The following COL8A1 variants were observed in gnomAD, a reference collection of about 807,000 sequenced individuals.
COL8A1 encodes collagen type VIII alpha 1 chain.
A neutral mutation model predicts 42.7 loss-of-function variants in COL8A1; 21 were observed. The ratio of observed to expected loss-of-function variants is 0.49; its 90% CI spans 0.35 to 0.71. The LOEUF (loss-of-function observed/expected upper bound fraction) is 0.71, where lower values mean the gene tolerates loss of function less well. COL8A1 is among the 30% of genes least tolerant of loss of function. The probability of loss-of-function intolerance (pLI) is 0.01; values close to 1 mark genes in which losing one functional copy is unlikely to be tolerated. For missense variants in COL8A1, 788 were observed against 962.4 expected, an observed-to-expected ratio of 0.82 and a Z score of 2.40; for synonymous variants, 367 against 369.1, an observed-to-expected ratio of 0.99 and a Z score of 0.06.
intron 1 of COL8A1, among the ~76,000 whole-genome samples, chr3:99,724,827 A>G (rs921697935): frequency 4.6e-5 from 7 of 152,102 alleles, no homozygotes; most frequent in Non-Finnish European, 1.0e-4. Flanking sequence ...AATATTTTCT[A>G]GGCACCAATT....
intron 1 of COL8A1, among the ~76,000 whole-genome samples, chr3:99,672,022 C>T (rs1377278097): frequency 6.6e-6 from 1 of 152,022 alleles, no homozygotes; most frequent in African/African-American, 2.4e-5. Flanking sequence ...TTCTGTAGAA[C>T]ACACTATTGA....
intron 2 of COL8A1, among the ~76,000 whole-genome samples, chr3:99,771,204 G>A (rs1195977927): frequency 2.0e-5 from 3 of 152,190 alleles, no homozygotes; most frequent in African/African-American, 4.8e-5. Flanking sequence ...AGGGAGTCTG[G>A]ATGTTATTCA....
At chr3:99,661,262 C>G (rs544503662) in intron 1 of COL8A1, among the ~76,000 whole-genome samples, 13 of 152,170 alleles carry the variant, frequency 8.5e-5, no homozygotes, top group African/African-American at 3.1e-4. Context: ...TCAACAACAA[C>G]AACAAAAAGA....
intron 1 of COL8A1, among the ~76,000 whole-genome samples, chr3:99,714,011 T>TA (rs1349693404): frequency 6.6e-6 from 1 of 151,966 alleles, no homozygotes; most frequent in Admixed American, 6.6e-5. Flanking sequence ...GGTTAACACT[T>TA]AAAAATCAAG....
intron 2 of COL8A1, among the ~76,000 whole-genome samples, chr3:99,767,903 C>T (rs1343460699): frequency 6.6e-6 from 1 of 152,150 alleles, no homozygotes; most frequent in Non-Finnish European, 1.5e-5. Context: ...AGAATTATAT[C>T]AATTTCCTGG....
chr3:99,764,693 TTTTTTTTC>T (rs1484018707), intron 2 of COL8A1, among the ~76,000 whole-genome samples: 5 of 36,488 alleles, frequency 1.4e-4, no homozygotes, highest in Non-Finnish European at 2.4e-4. Context: ...CTTTTTTTTC[TTTTTTTTC>T]TTTTTTTTTT....
At chr3:99,783,168 A>AC (rs1204608950) in intron 2 of COL8A1, among the ~76,000 whole-genome samples, 1 of 152,198 alleles carries the variant, frequency 6.6e-6, no homozygotes, top group Non-Finnish European at 1.5e-5. Flanking sequence ...GTGAAATCCT[A>AC]CAATTGGTTA....
In COL8A1 at chr3:99,795,385, G is replaced by GC. The variant is rs34878103; in HGVS notation, c.1490dup (p.Gly498ArgfsTer9). ...ATCCCAGGGGATCAGGGTTTACAGG[G>GC]CCCCCCAGGTATCCCAGGGATTGGG... On this transcript the variant is annotated frameshift_variant, in exon 4 of 4. Transcript: ENST00000652472. LOFTEE classifies it high-confidence loss of function. 6.4e-7 allele frequency: 1 copy of GC among 1,565,550 alleles called. No homozygotes were observed.
intron 2 of COL8A1, among the ~76,000 whole-genome samples, chr3:99,757,989 T>C (rs1941287830): frequency 6.6e-6 from 1 of 152,234 alleles, no homozygotes; most frequent in South Asian, 2.1e-4. Flanking sequence ...ATACATTCTT[T>C]TAGGTTGATA....
chr3:99,707,667 G>T (rs1939719411), intron 1 of COL8A1, among the ~76,000 whole-genome samples: 1 of 152,006 alleles, frequency 6.6e-6, no homozygotes. Context: ...GCCGAACTTG[G>T]GGCACTTCCA....
chr3:99,665,775 G>A (rs1226283125), intron 1 of COL8A1, among the ~76,000 whole-genome samples: 5 of 146,966 alleles, frequency 3.4e-5, no homozygotes, highest in Non-Finnish European at 5.9e-5. Context: ...TCCGCCTCCC[G>A]GGTTCAAGCA....
At position 99,794,746 on chromosome 3, in the gene COL8A1, CCCAGGGCCCCCTGGGAAAGCCAGGGGCT is replaced by C. The variant is rs1942069407; in HGVS notation, c.851_878del (p.Gly284GlufsTer88). The C allele has an allele frequency of 6.3e-7, 1 of 1,598,624 alleles. No individual in the cohort carries two copies. Among genetic ancestry groups the C allele is most frequent in the Non-Finnish European group, 8.5e-7 (1 of 1,174,548 alleles). The stretch of plus-strand genomic sequence containing the variant: ...CCAGGAGTGACAGGCTTCCCTGGGC[CCCAGGGCCCCCTGGGAAAGCCAGGGGCT>C]CCAGGAGAACCTGGGCCACAAGGCC... On this transcript the variant is annotated frameshift_variant, in exon 4 of 4. Coordinates refer to ENST00000652472, the MANE Select transcript of COL8A1 (RefSeq NM_020351.4). LOFTEE classifies it high-confidence loss of function. The surrounding 1 kb of genome is among the most constrained non-coding windows in gnomAD (Gnocchi z 4.3).
chr3:99,683,068 T>C (rs771884485), intron 1 of COL8A1, among the ~76,000 whole-genome samples: 12 of 152,230 alleles, frequency 7.9e-5, no homozygotes, highest in Non-Finnish European at 1.5e-4. Context: ...CCTTTGTATG[T>C]TCAGAATTAA....
chr3:99,721,983 T>C (rs1940170308), intron 1 of COL8A1, among the ~76,000 whole-genome samples: 1 of 151,992 alleles, frequency 6.6e-6, no homozygotes, highest in African/African-American at 2.4e-5. Context: ...GAAGTGAAAA[T>C]TGATACTCAA....
Position 99,796,315 on chromosome 3 carries a change from C to G in COL8A1, c.*179C>G, listed in dbSNP as rs917817077. 22 of 503,326 alleles carry G rather than the reference C, an allele frequency of 4.4e-5. No homozygotes were observed. The highest frequency in any genetic ancestry group is 6.5e-5 in the Non-Finnish European group (19 of 290,222). The allele number at this position is 503,326 out of a possible 1,614,324, so 31.2% of individuals were successfully genotyped here. A position where few individuals can be genotyped will look rare whatever the true frequency, so the allele number is the denominator to read the frequency against. On this transcript the variant is annotated 3_prime_UTR_variant, in exon 4 of 4. Transcript: ENST00000652472. ...AAACTAAGATGCATGTTTAATACTC[C>G]ACACAGCAGCCTGTAATTGCGAATG...
At chr3:99,787,747 T>G (rs1054758456) in intron 2 of COL8A1, among the ~76,000 whole-genome samples, 1 of 152,172 alleles carries the variant, frequency 6.6e-6, no homozygotes, top group Non-Finnish European at 1.5e-5. Context: ...TCTTTTGACT[T>G]CTTTGACAGT....
Position 99,795,497 on chromosome 3 carries a change from A to AG in COL8A1, c.1599dup (p.Lys534GlufsTer60). On this transcript the variant is annotated frameshift_variant, in exon 4 of 4. Transcript: ENST00000652472. LOFTEE classifies it high-confidence loss of function. ...CAGGGCCCCCTGGGTTCCCTGGTAT[A>AG]GGGAAACCCGGAGTGGCAGGACTTC... 1 of 1,579,702 alleles carries AG rather than the reference A, an allele frequency of 6.3e-7. No individual in the cohort carries two copies. The highest frequency in any genetic ancestry group is 8.6e-7 in the Non-Finnish European group (1 of 1,162,514).
intron 1 of COL8A1, among the ~76,000 whole-genome samples, chr3:99,744,636 T>C (rs945920549): frequency 6.6e-6 from 1 of 152,176 alleles, no homozygotes; most frequent in Admixed American, 6.5e-5. Context: ...CCAAAGTCTT[T>C]CCAATTATCT....
At chr3:99,780,084 C>T (rs1941767626) in intron 2 of COL8A1, among the ~76,000 whole-genome samples, 2 of 152,188 alleles carry the variant, frequency 1.3e-5, no homozygotes, top group African/African-American at 4.8e-5. Flanking sequence ...TCCACCACCA[C>T]CCCTGTTTTC....
Sources: allele counts gnomAD v4.1 joint callset (sites outside exome capture counted in the v4.1 genomes callset), GRCh38; gene constraint gnomAD v4.1.1; non-coding constraint Gnocchi (gnomAD v3.1); transcripts MANE v1.5; gene names NCBI Gene and HGNC (gene_info 2026-07-23, HGNC 2026-07-21).